Variants in SNX25 observed in about 807,000 individuals in gnomAD.
The protein encoded by SNX25 is sorting nexin-25.
Under a neutral mutation model 113.7 loss-of-function variants are expected in SNX25, and 62 were observed. That is an observed-to-expected ratio of 0.55 (90% CI 0.44 to 0.67). The LOEUF is 0.67. SNX25 is among the 30% of genes least tolerant of loss of function. The pLI is 0.00. For synonymous variants in SNX25, 421 were observed against 436.2 expected, an observed-to-expected ratio of 0.97 and a Z score of 0.43; for missense variants, 1,014 against 1,161.0, an observed-to-expected ratio of 0.87 and a Z score of 1.84.
intron 1 of SNX25, among the ~76,000 whole-genome samples, chr4:185,231,093 C>CT (rs1194762308): frequency 7.9e-6 from 1 of 125,894 alleles, no homozygotes; most frequent in African/African-American, 2.9e-5. Flanking sequence ...TTCTTTTTTC[C>CT]TTTTTTTTGT....
intron 1 of SNX25, among the ~76,000 whole-genome samples, chr4:185,239,774 C>CTTT (rs564649102): frequency 1.8e-5 from 2 of 110,752 alleles, no homozygotes; most frequent in African/African-American, 7.4e-5. Context: ...TTTTTTTTTT[C>CTTT]TTTTTTTTTT....
chr4:185,286,907 T>A (rs953495326), intron 5 of SNX25, among the ~76,000 whole-genome samples: 2 of 152,190 alleles, frequency 1.3e-5, no homozygotes, highest in Admixed American at 1.3e-4. Context: ...CTCCTCTGGG[T>A]TTTAGTTGAA....
chr4:185,376,829 G>A, the SNX25 span: 1 of 960,660 alleles, frequency 1.0e-6, no homozygotes, highest in Non-Finnish European at 1.6e-6. Flanking sequence ...AACACAGTAA[G>A]AAACTCTACA....
downstream of SNX25, chr4:185,372,892 A>C: frequency 6.2e-7 from 1 of 1,609,994 alleles, no homozygotes. Flanking sequence ...AAAAAATTTC[A>C]TCTTATAGTA....
intron 6 of SNX25, among the ~76,000 whole-genome samples, chr4:185,302,396 G>A (rs1388231727): frequency 1.3e-5 from 2 of 152,036 alleles, no homozygotes; most frequent in African/African-American, 4.8e-5. Flanking sequence ...GCAGTCTTGG[G>A]GACTGAACCC....
At chr4:185,377,843 A>G in the SNX25 span, 2 of 397,092 alleles carry the variant, frequency 5.0e-6, no homozygotes, top group Non-Finnish European at 8.9e-6. Flanking sequence ...TTCTAGAAGC[A>G]TGTCCTTAAG....
chr4:185,300,199 G>A (rs180970406), intron 6 of SNX25, among the ~76,000 whole-genome samples: 156 of 150,978 alleles, frequency 1.0e-3, no homozygotes, highest in East Asian at 3.5e-3. Context: ...TCGCTCTGTC[G>A]CCCAGGCCGG....
chr4:185,206,660 CAAAAAAAAAAA>C (rs375061067), upstream of SNX25, among the ~76,000 whole-genome samples: 746 of 77,452 alleles, frequency 9.6e-3, 8 homozygotes, highest in African/African-American at 0.036. Flanking sequence ...ACTCTTGTCT[CAAAAAAAAAAA>C]AAAAAAAAAA....
Position 185,311,718 on chromosome 4 carries a change from C to T in SNX25, c.1344+902C>T, listed in dbSNP as rs182103012. On this transcript the variant is annotated intron_variant, in intron 7 of 18. Transcript: ENST00000652585. ...TCTTGATTCTTTCCTGTTTAGCTCTCGGTTCTACTTCAGCTACTCATCTGT... is the reference window on the plus strand; with the variant it reads ...TCTTGATTCTTTCCTGTTTAGCTCTTGGTTCTACTTCAGCTACTCATCTGT... Among the ~76,000 whole-genome samples the T allele has an allele frequency of 2.5e-4, 38 of 152,312 alleles. 1 individual carries two copies. The highest frequency in any genetic ancestry group is 2.0e-4 in the Admixed American group (3 of 15,296).
At chr4:185,353,432 A>G (rs2095325193) in intron 14 of SNX25, 53 bp from the exon 15 acceptor site, 5 of 1,381,916 alleles carry the variant, frequency 3.6e-6, no homozygotes, top group Admixed American at 1.7e-5. Context: ...GAACAACTCT[A>G]CCAATTTTCT....
At chr4:185,269,516 A>G (rs958823615) in intron 5 of SNX25, among the ~76,000 whole-genome samples, 41 of 152,218 alleles carry the variant, frequency 2.7e-4, no homozygotes, top group Non-Finnish European at 1.0e-4. Flanking sequence ...GTCGTTCCAC[A>G]GTAAAGGCAG....
At chr4:185,316,060 C>G (rs2095071702) in intron 7 of SNX25, among the ~76,000 whole-genome samples, 1 of 152,138 alleles carries the variant, frequency 6.6e-6, no homozygotes, top group East Asian at 1.9e-4. Flanking sequence ...ATAAACAGAT[C>G]CATCACCCAC....
intron 7 of SNX25, among the ~76,000 whole-genome samples, 183 bp from the exon 8 acceptor site, chr4:185,320,550 T>G (rs1444354086): frequency 6.6e-6 from 1 of 152,012 alleles, no homozygotes; most frequent in Non-Finnish European, 1.5e-5. Flanking sequence ...CATATATACC[T>G]ATGTAACAAA....
At chr4:185,286,475 G>A (rs28507212) in intron 5 of SNX25, among the ~76,000 whole-genome samples, 2,713 of 152,218 alleles carry the variant, frequency 0.018, 73 homozygotes, top group African/African-American at 0.062. Context: ...TTGCATCCTT[G>A]TTTTACACAG....
chr4:185,310,875 A>G (rs1755146381), intron 7 of SNX25, 59 bp downstream of exon 7: 3 of 1,478,002 alleles, frequency 2.0e-6, no homozygotes, highest in Non-Finnish European at 2.7e-6. Flanking sequence ...TGCTGATAGA[A>G]CTACATATAA....
chr4:185,276,620 AGCCCAGGAGTTTGAGC>A, intron 5 of SNX25, among the ~76,000 whole-genome samples: 1 of 152,274 alleles, frequency 6.6e-6, no homozygotes, highest in East Asian at 1.9e-4. Context: ...GGATGGCTTG[AGCCCAGGAGTTTGAGC>A]AACAGCCTGG....
intron 6 of SNX25, among the ~76,000 whole-genome samples, chr4:185,305,183 A>G (rs187653747): frequency 1.3e-5 from 2 of 152,228 alleles, no homozygotes; most frequent in East Asian, 1.9e-4. Context: ...ACTGGCATCT[A>G]GTGGTAGAGG....
intron 1 of SNX25, among the ~76,000 whole-genome samples, chr4:185,225,863 C>T (rs1366076554): frequency 6.6e-6 from 1 of 151,836 alleles, no homozygotes; most frequent in Admixed American, 6.6e-5. Context: ...ATTAAACCCA[C>T]GTCTCTCTTA....
chr4:185,265,577 T>C (rs1320849315), intron 4 of SNX25, among the ~76,000 whole-genome samples: 1 of 152,184 alleles, frequency 6.6e-6, no homozygotes, highest in African/African-American at 2.4e-5. Context: ...TGTGCACCAC[T>C]GCAGACTTCA....
Sources: allele counts gnomAD v4.1 joint callset (sites outside exome capture counted in the v4.1 genomes callset), GRCh38; gene constraint gnomAD v4.1.1; transcripts MANE v1.5; gene names NCBI Gene and HGNC (gene_info 2026-07-23, HGNC 2026-07-21).